The following RYR2 variants were observed in gnomAD, a reference collection of about 807,000 sequenced individuals.
RYR2 encodes cardiac muscle ryanodine receptor-calcium release channel.
Under a neutral mutation model 601.1 loss-of-function variants are expected in RYR2, and 227 were observed. The ratio of observed to expected loss-of-function variants is 0.38; its 90% CI spans 0.34 to 0.42. RYR2 has a LOEUF of 0.42. RYR2 is among the 10% of genes least tolerant of loss of function. The pLI is 1.00. For synonymous variants in RYR2, 2,223 were observed against 2,175.1 expected (o/e 1.02, Z -0.61); for missense variants, 4,646 against 6,156.5 (o/e 0.75, Z 8.21).
chr1:237,184,120 G>T (rs550317070), intron 1 of RYR2, among the ~76,000 whole-genome samples: 23 of 152,328 alleles, frequency 1.5e-4, no homozygotes, highest in African/African-American at 5.5e-4. Context: ...CCCTTGGGCG[G>T]GGTAAACCCA....
At chr1:237,505,843 G>GT (rs1023116042) in intron 22 of RYR2, among the ~76,000 whole-genome samples, 2 of 152,158 alleles carry the variant, frequency 1.3e-5, no homozygotes, top group African/African-American at 4.8e-5. Context: ...CTTACCTTGG[G>GT]TTTTTTATGA....
chr1:237,688,538 A>C (rs1225036555), intron 63 of RYR2, among the ~76,000 whole-genome samples: 1 of 152,080 alleles, frequency 6.6e-6, no homozygotes, highest in Non-Finnish European at 1.5e-5. Flanking sequence ...TATATCCAAG[A>C]TTTGGTGCTC....
chr1:237,211,191 A>T (rs604735), intron 1 of RYR2, among the ~76,000 whole-genome samples: 56,526 of 152,100 alleles, frequency 0.37, 12,638 homozygotes, highest in Admixed American at 0.49. Flanking sequence ...GTTTGACAGC[A>T]TCACAGAGTA....
chr1:237,571,844 T>G (rs767644173), intron 29 of RYR2, among the ~76,000 whole-genome samples: 17 of 152,222 alleles, frequency 1.1e-4, no homozygotes, highest in Non-Finnish European at 2.1e-4. Context: ...AAGTCTAATA[T>G]GTATGAGGTA....
In RYR2 at chr1:237,527,926, TG is replaced by T. The variant is rs147178040; in HGVS notation, c.2823-2500del. On this transcript the variant is annotated intron_variant, in intron 24 of 104. Coordinates refer to ENST00000366574, the MANE Select transcript of RYR2 (RefSeq NM_001035.3). ...GATGAAATCTCACGCCCTGCTACTT[TG>T]TCCTGCCCAGGATGCGAATCATCGC... 3.9e-3 allele frequency among the ~76,000 whole-genome samples: 588 copies of T among 152,320 alleles called. 2 individuals are homozygous for T. The highest frequency in any genetic ancestry group is 0.013 in the African/African-American group (559 of 41,572).
chr1:237,503,014 C>CTT (rs1033442655), intron 21 of RYR2, among the ~76,000 whole-genome samples: 3 of 152,028 alleles, frequency 2.0e-5, no homozygotes, highest in African/African-American at 7.3e-5. Context: ...GGTGCATGTG[C>CTT]TTTTGGTTAC....
rs1553414225 is a variant in RYR2, at chr1:237,350,631, A to ATC, written c.274-5333_274-5332insCT. On this transcript the variant is annotated intron_variant, in intron 3 of 104. Transcript: ENST00000366574. ...TATATATATATATATATATATATAT[A>ATC]TATCTCTGACCTCTGAGAAAGAATT... Among the ~76,000 whole-genome samples the ATC allele has an allele frequency of 2.0e-3, 205 of 105,084 alleles. 3 individuals are homozygous for ATC. The highest frequency in any genetic ancestry group is 5.3e-3 in the Middle Eastern group (1 of 188). 68.9% of individuals were successfully genotyped at this position (105,084 alleles called of 152,430 possible). A position where few individuals can be genotyped will look rare whatever the true frequency, so the allele number is the denominator to read the frequency against.
At chr1:237,109,758 G>A (rs1028973787) in intron 1 of RYR2, among the ~76,000 whole-genome samples, 5 of 152,028 alleles carry the variant, frequency 3.3e-5, no homozygotes, top group Middle Eastern at 3.4e-3. Context: ...CCTGGGATAG[G>A]TAGGGGAAAC....
rs1450235463 is a variant in RYR2 at position 237,623,768 on chromosome 1, A to C, written c.5920A>C (p.Asn1974His). The stretch of plus-strand genomic sequence containing the variant: ...TTCTTGTTTTTCAAACTTTCAGATC[A>C]ATATGCTTCTCAATTTTAAGGATGA... ...EFRSPPQEQI[N>H]MLLNFKDDKS... The change falls in exon 39 of 105, where the codon AAT (asparagine) becomes CAT (histidine). Residue 1974 changes from asparagine (N) to histidine (H), a missense_variant. Around this residue, in one of 17 missense-constraint regions of RYR2, gnomAD observed 170 missense variants for 184.5 expected, o/e 0.92. Coordinates refer to ENST00000366574, the MANE Select transcript of RYR2 (RefSeq NM_001035.3). 10 of 1,597,230 alleles carry C rather than the reference A, an allele frequency of 6.3e-6. No individual in the cohort carries two copies. Among genetic ancestry groups the C allele is most frequent in the Non-Finnish European group, 8.6e-6 (10 of 1,166,062 alleles).
intron 1 of RYR2, among the ~76,000 whole-genome samples, chr1:237,137,949 C>G (rs1192589831): frequency 6.6e-6 from 1 of 152,170 alleles, no homozygotes; most frequent in African/African-American, 2.4e-5. Context: ...TAGATAGCCA[C>G]TATCCCAACT....
intron 12 of RYR2, among the ~76,000 whole-genome samples, chr1:237,433,660 T>C (rs1348728340): frequency 6.6e-6 from 1 of 152,204 alleles, no homozygotes; most frequent in East Asian, 1.9e-4. Flanking sequence ...TATTTGATAC[T>C]TTTTCCCCAC....
At chr1:237,082,954 A>G (rs1665899894) in intron 1 of RYR2, among the ~76,000 whole-genome samples, 1 of 152,104 alleles carries the variant, frequency 6.6e-6, no homozygotes, top group African/African-American at 2.4e-5. Flanking sequence ...AATTTTTAAC[A>G]ATTTCCCCGA....
At chr1:237,475,934 G>T (rs980966574) in intron 17 of RYR2, among the ~76,000 whole-genome samples, 54 of 152,326 alleles carry the variant, frequency 3.5e-4, no homozygotes, top group African/African-American at 1.2e-3. Flanking sequence ...ACAAAGATTG[G>T]TATGAGTAAG....
At chr1:237,338,559 A>G (rs1476734927) in intron 3 of RYR2, among the ~76,000 whole-genome samples, 3 of 152,250 alleles carry the variant, frequency 2.0e-5, no homozygotes, top group African/African-American at 7.2e-5. Context: ...AGCCATGAAT[A>G]CAAAATAGTG....
intron 1 of RYR2, among the ~76,000 whole-genome samples, chr1:237,230,553 CAG>C (rs1684878097): frequency 2.0e-5 from 3 of 152,232 alleles, no homozygotes; most frequent in Middle Eastern, 6.8e-3. Flanking sequence ...TTACCAAATG[CAG>C]ACTTAGCCCT....
At chr1:237,476,354 C>CA (rs1661395860) in intron 17 of RYR2, among the ~76,000 whole-genome samples, 1 of 151,658 alleles carries the variant, frequency 6.6e-6, no homozygotes, top group African/African-American at 2.4e-5. Flanking sequence ...TACTAAAATA[C>CA]AAAAAATTAG....
At chr1:237,718,613 C>A in intron 73 of RYR2, 92 bp downstream of exon 73, 2 of 610,682 alleles carry the variant, frequency 3.3e-6, no homozygotes, top group Non-Finnish European at 5.8e-6. Flanking sequence ...TTACTTTAAA[C>A]ATTAAGGTAA....
intron 10 of RYR2, among the ~76,000 whole-genome samples, chr1:237,393,566 T>C (rs966133812): frequency 6.6e-6 from 1 of 152,216 alleles, no homozygotes; most frequent in Admixed American, 6.5e-5. Context: ...AGCTATTCTG[T>C]TGTTCTCCAA....
intron 36 of RYR2, among the ~76,000 whole-genome samples, chr1:237,613,130 T>C (rs560067565): frequency 6.6e-6 from 1 of 152,340 alleles, no homozygotes; most frequent in East Asian, 1.9e-4. Context: ...TTAACTAGCA[T>C]GGTTGAGAAG....
Sources: gnomAD v4.1 joint callset for allele counts (sites outside exome capture counted in the v4.1 genomes callset) on GRCh38, gnomAD v4.1.1 for gene constraint, gnomAD v4.1.1 regional missense constraint, MANE v1.5 for transcripts, NCBI Gene and HGNC (gene_info 2026-07-23, HGNC 2026-07-21) for gene names.